Variants in IGF1 observed in about 807,000 individuals in gnomAD.
IGF1 encodes the protein insulin-like growth factor 1.
Under a neutral mutation model 13.8 loss-of-function variants are expected in IGF1, and 4 were observed. The ratio of observed to expected loss-of-function variants is 0.29; its 90% CI spans 0.14 to 0.66. The LOEUF is 0.66. IGF1 is among the 30% of genes least tolerant of loss of function. The pLI, the probability that IGF1 is intolerant of heterozygous loss-of-function variation, is 0.78. For missense variants in IGF1, 124 were observed against 188.5 expected (o/e 0.66, Z 2.00); for synonymous variants, 76 against 72.6 (o/e 1.05, Z -0.23).
chr12:102,470,455 T>C (rs1352546327), intron 2 of IGF1, among the ~76,000 whole-genome samples: 1 of 152,254 alleles, frequency 6.6e-6, no homozygotes, highest in Non-Finnish European at 1.5e-5. Flanking sequence ...TTGCAGAAAC[T>C]GGTCCTTTAC....
intron 2 of IGF1, among the ~76,000 whole-genome samples, chr12:102,447,638 G>A (rs1878475433): frequency 6.6e-6 from 1 of 152,122 alleles, no homozygotes; most frequent in Non-Finnish European, 1.5e-5. Flanking sequence ...TGAGTGTCCT[G>A]AATACAGAGC....
chr12:102,417,877 C>G, intron 3 of IGF1: 1 of 1,613,996 alleles, frequency 6.2e-7, no homozygotes, highest in Non-Finnish European at 8.5e-7. Context: ...CTCCTCTGCT[C>G]TTTCTTCTTT....
At chr12:102,453,774 C>T (rs1395086550) in intron 2 of IGF1, among the ~76,000 whole-genome samples, 3 of 152,174 alleles carry the variant, frequency 2.0e-5, no homozygotes, top group Non-Finnish European at 4.4e-5. Context: ...TTGTCAGGTA[C>T]CATGCGTGCT....
chr12:102,451,043 G>A (rs1253163179), intron 2 of IGF1, among the ~76,000 whole-genome samples: 1 of 152,170 alleles, frequency 6.6e-6, no homozygotes, highest in Admixed American at 6.5e-5. Flanking sequence ...AACCAGAAAG[G>A]CTACTGGTAA....
At chr12:102,463,863 C>T (rs1016973976) in intron 2 of IGF1, among the ~76,000 whole-genome samples, 10 of 152,306 alleles carry the variant, frequency 6.6e-5, no homozygotes, top group Middle Eastern at 3.4e-3. Flanking sequence ...CCAGCTTTTC[C>T]GACCAACTTT....
At chr12:102,404,337 G>T (rs2136945450) in intron 3 of IGF1, among the ~76,000 whole-genome samples, 2 of 152,300 alleles carry the variant, frequency 1.3e-5, no homozygotes, top group South Asian at 4.1e-4. Flanking sequence ...ATGAAGGCTG[G>T]GGAAAAAGAT....
chr12:102,440,839 C>G (rs577924130), intron 2 of IGF1, among the ~76,000 whole-genome samples: 1 of 152,208 alleles, frequency 6.6e-6, no homozygotes, highest in South Asian at 2.1e-4. Context: ...TATTATGATT[C>G]TGTGATTTGA....
chr12:102,466,399 T>C (rs1159671201), intron 2 of IGF1, among the ~76,000 whole-genome samples: 1 of 152,164 alleles, frequency 6.6e-6, no homozygotes. Flanking sequence ...TCTGCAAACA[T>C]TCTTGATGGT....
chr12:102,417,011 G>C (rs1252413668), intron 3 of IGF1, among the ~76,000 whole-genome samples: 2 of 152,108 alleles, frequency 1.3e-5, no homozygotes, highest in Non-Finnish European at 2.9e-5. Context: ...GAAGAAGGAG[G>C]CCACCTACAA....
rs1037578319 is a variant in IGF1, at chr12:102,398,629, C to T, written c.*3878G>A. The T allele has an allele frequency of 6.6e-6, 1 of 152,198 alleles. No homozygotes were observed. The highest frequency in any genetic ancestry group is 1.9e-4 in the East Asian group (1 of 5,188). 9.4% of individuals were successfully genotyped at this position (152,198 alleles called of 1,614,324 possible). On this transcript the variant is annotated 3_prime_UTR_variant, in exon 4 of 4. Transcript: ENST00000337514. ...AAAATTTCCAACTCCTGCCCCTGCA[C>T]CCCCAAATTCACAATTTGGTGAACA...
At chr12:102,461,808 T>C (rs756700149) in intron 2 of IGF1, among the ~76,000 whole-genome samples, 16 of 152,292 alleles carry the variant, frequency 1.1e-4, no homozygotes, top group Non-Finnish European at 2.9e-5. Context: ...CTGGACCAAA[T>C]ACCAGTGAAT....
chr12:102,409,692 G>T (rs1240335184), intron 3 of IGF1, among the ~76,000 whole-genome samples: 2 of 152,102 alleles, frequency 1.3e-5, no homozygotes, highest in Admixed American at 6.5e-5. Flanking sequence ...CTGCTTGACC[G>T]CTTGTTAGCC....
intron 3 of IGF1, among the ~76,000 whole-genome samples, chr12:102,406,895 C>T (rs576435736): frequency 5.3e-5 from 8 of 152,112 alleles, no homozygotes; most frequent in Non-Finnish European, 1.2e-4. Context: ...GAGCTGGAGA[C>T]CAGCCTGGCC....
intron 2 of IGF1, among the ~76,000 whole-genome samples, chr12:102,462,374 C>A (rs1879969287): frequency 6.6e-6 from 1 of 152,056 alleles, no homozygotes; most frequent in African/African-American, 2.4e-5. Context: ...TCATTGAAAC[C>A]AATCATCCAC....
intron 3 of IGF1, among the ~76,000 whole-genome samples, chr12:102,414,412 C>CTATT (rs1425630547): frequency 6.6e-6 from 1 of 151,966 alleles, no homozygotes; most frequent in Admixed American, 6.6e-5. Context: ...CTGTATTTTA[C>CTATT]TATTTATTTA....
At chr12:102,412,088 A>T (rs1874694501) in intron 3 of IGF1, among the ~76,000 whole-genome samples, 1 of 152,180 alleles carries the variant, frequency 6.6e-6, no homozygotes, top group African/African-American at 2.4e-5. Context: ...CCTTCTCTGT[A>T]TGTTAGATGG....
At chr12:102,446,676 C>G (rs1349147141) in intron 2 of IGF1, among the ~76,000 whole-genome samples, 1 of 152,008 alleles carries the variant, frequency 6.6e-6, no homozygotes, top group Non-Finnish European at 1.5e-5. Context: ...AAAATGAGCT[C>G]CTAGATTCCT....
intron 2 of IGF1, among the ~76,000 whole-genome samples, chr12:102,443,864 A>T (rs535912086): frequency 6.6e-6 from 1 of 152,086 alleles, no homozygotes; most frequent in Admixed American, 6.5e-5. Context: ...TCACTCTGTC[A>T]CCTAGGCTGG....
chr12:102,460,158 AT>A (rs1305387098), intron 2 of IGF1, among the ~76,000 whole-genome samples: 7 of 152,222 alleles, frequency 4.6e-5, no homozygotes, highest in Non-Finnish European at 1.0e-4. Flanking sequence ...GTTTTTGCTT[AT>A]AATCTCTTGA....
Sources: gnomAD v4.1 joint callset for allele counts (sites outside exome capture counted in the v4.1 genomes callset) on GRCh38, gnomAD v4.1.1 for gene constraint, MANE v1.5 for transcripts, NCBI Gene and HGNC (gene_info 2026-07-23, HGNC 2026-07-21) for gene names.